The following SPART variants were observed in gnomAD, a reference collection of about 807,000 sequenced individuals.
SPART encodes spartin.
SPART carries 35 observed loss-of-function variants against 58.7 expected under a neutral mutation model. The observed-to-expected ratio is 0.60, with a 90% confidence interval of 0.46 to 0.79. The LOEUF is 0.79. Among genes scored for constraint, SPART ranks in the 30% least tolerant of loss-of-function variants. SPART has a pLI of 0.00. For missense variants in SPART, 730 were observed against 786.1 expected, an observed-to-expected ratio of 0.93 and a Z score of 0.85; for synonymous variants, 284 against 280.7, an observed-to-expected ratio of 1.01 and a Z score of -0.12.
At chr13:36,341,358 CTTAT>C (rs891681525) in intron 1 of SPART, among the ~76,000 whole-genome samples, 1 of 152,122 alleles carries the variant, frequency 6.6e-6, no homozygotes, top group Admixed American at 6.5e-5. Context: ...ATGATAGTAT[CTTAT>C]TTATCCAAAT....
intron 1 of SPART, among the ~76,000 whole-genome samples, chr13:36,359,041 G>C (rs557371097): frequency 9.2e-5 from 14 of 152,316 alleles, no homozygotes; most frequent in African/African-American, 3.1e-4. Context: ...GCTATGCTTA[G>C]ATGAAGAAGT....
chr13:36,338,497 AAG>A (rs1408059136), intron 1 of SPART, among the ~76,000 whole-genome samples: 2 of 152,216 alleles, frequency 1.3e-5, no homozygotes, highest in African/African-American at 2.4e-5. Context: ...GAAGTAGACA[AAG>A]AGCTGAAAAA....
At chr13:36,315,383 G>A (rs1307821344) in intron 5 of SPART, among the ~76,000 whole-genome samples, 1 of 152,156 alleles carries the variant, frequency 6.6e-6, no homozygotes, top group South Asian at 2.1e-4. Context: ...ACTTAACAAT[G>A]AGCTTTCAAA....
intron 1 of SPART, among the ~76,000 whole-genome samples, chr13:36,343,157 AT>A (rs1884741066): frequency 1.3e-5 from 2 of 152,196 alleles, no homozygotes; most frequent in South Asian, 2.1e-4. Flanking sequence ...CTAATCAACT[AT>A]TTATAATAAC....
At chr13:36,330,065 T>C (rs1428966119) in intron 3 of SPART, among the ~76,000 whole-genome samples, 1 of 152,160 alleles carries the variant, frequency 6.6e-6, no homozygotes, top group African/African-American at 2.4e-5. Flanking sequence ...AACATACAAA[T>C]ACCAAAAAAT....
chr13:36,314,454 T>C (rs1487936805), intron 5 of SPART, 33 bp from the exon 6 acceptor site: 2 of 1,585,806 alleles, frequency 1.3e-6, no homozygotes, highest in South Asian at 2.2e-5. Flanking sequence ...TTGCACAATA[T>C]TAGGGCTAAT....
chr13:36,357,387 A>G (rs749973389), intron 1 of SPART, among the ~76,000 whole-genome samples: 3 of 152,190 alleles, frequency 2.0e-5, no homozygotes, highest in Non-Finnish European at 4.4e-5. Flanking sequence ...GTTGTTGGAA[A>G]CAGTCATTTT....
At chr13:36,326,969 C>T (rs1882996407) in intron 4 of SPART, among the ~76,000 whole-genome samples, 1 of 152,030 alleles carries the variant, frequency 6.6e-6, no homozygotes, top group Admixed American at 6.6e-5. Context: ...TTTAAATTGA[C>T]TTTTTTCTTT....
rs771048650 is a variant in SPART, at chr13:36,312,331, T to C, written c.1630A>G (p.Ser544Gly). The C allele has an allele frequency of 1.2e-5, 20 of 1,614,004 alleles. No homozygotes were observed. The highest frequency in any genetic ancestry group is 6.6e-5 in the South Asian group (6 of 91,078). The change falls in exon 7 of 9, where the codon AGT becomes GGT. Residue 544 changes from serine (S) to glycine (G), a missense_variant. Ser to Gly is a moderately conservative substitution (Grantham distance 56). Transcript: ENST00000438666. ...PLDGAMVVAA[S>G]SVQGFSTVWQ... ...GGCCCTTTGTTACCTTGAACACTAC[T>C]TGCTGCTACAACCATAGCACCATCC... is the stretch of plus-strand genomic sequence containing the variant.
intron 1 of SPART, among the ~76,000 whole-genome samples, chr13:36,352,027 T>A (rs1566146411): frequency 2.6e-5 from 4 of 152,216 alleles, no homozygotes; most frequent in Admixed American, 2.0e-4. Context: ...TCCAAGCTCA[T>A]GTTGAAATCA....
chr13:36,340,726 T>A (rs1476751139), intron 1 of SPART, among the ~76,000 whole-genome samples: 1 of 152,040 alleles, frequency 6.6e-6, no homozygotes, highest in Non-Finnish European at 1.5e-5. Flanking sequence ...CAGAAAAGAA[T>A]TTTTTAAGAA....
intron 8 of SPART, among the ~76,000 whole-genome samples, chr13:36,307,853 T>C (rs982638548): frequency 6.6e-6 from 1 of 152,124 alleles, no homozygotes; most frequent in Non-Finnish European, 1.5e-5. Flanking sequence ...TTTAAGAGTA[T>C]AGTTATTTAA....
intron 1 of SPART, among the ~76,000 whole-genome samples, chr13:36,339,627 C>CAAAA (rs71084420): frequency 0.037 from 1,446 of 38,824 alleles, 102 homozygotes; most frequent in East Asian, 0.058. Context: ...ACGACTCCAT[C>CAAAA]AAAAAAAAAA....
intron 1 of SPART, among the ~76,000 whole-genome samples, chr13:36,340,584 C>G (rs1023051790): frequency 2.6e-5 from 4 of 152,026 alleles, no homozygotes; most frequent in Admixed American, 6.6e-5. Context: ...CTTCTAAACC[C>G]AGCCAAGTGA....
intron 6 of SPART, among the ~76,000 whole-genome samples, chr13:36,313,136 A>G (rs1054222918): frequency 6.6e-6 from 1 of 152,176 alleles, no homozygotes; most frequent in African/African-American, 2.4e-5. Flanking sequence ...TTGCTTGGGA[A>G]GGTTGGCACC....
At chr13:36,357,568 A>C (rs1199949780) in intron 1 of SPART, among the ~76,000 whole-genome samples, 1 of 152,218 alleles carries the variant, frequency 6.6e-6, no homozygotes, top group Non-Finnish European at 1.5e-5. Context: ...CTTTTTATAA[A>C]AGGAACCTAT....
rs1316332328 is a variant in SPART, at chr13:36,340,436, C to T, written c.-2-4604G>A. On this transcript the variant is annotated intron_variant, in intron 1 of 8. Transcript: ENST00000438666. Reference sequence around the variant, plus strand: ...AGAAACATACCATGACATTTTAGAACACTAAGCTCAAAAGGATCATCTTTA... The same window carrying T: ...AGAAACATACCATGACATTTTAGAATACTAAGCTCAAAAGGATCATCTTTA... 3.3e-5 allele frequency among the ~76,000 whole-genome samples: 5 copies of T among 151,050 alleles called. No individual in the cohort carries two copies. In the East Asian group the frequency reaches 9.7e-4, roughly 29 times the overall value.
intron 1 of SPART, chr13:36,369,944 G>T (rs1435035865): frequency 1.3e-5 from 2 of 152,154 alleles, no homozygotes; most frequent in Non-Finnish European, 2.9e-5. Context: ...TTGTGGCCTG[G>T]TCAGGGATGG....
intron 2 of SPART, among the ~76,000 whole-genome samples, chr13:36,332,111 C>CT (rs1883517069): frequency 2.0e-5 from 3 of 152,130 alleles, no homozygotes; most frequent in South Asian, 4.2e-4. Flanking sequence ...ATTAAGTCGC[C>CT]CAGAACCAAC....
Sources: gnomAD v4.1 joint callset for allele counts (sites outside exome capture counted in the v4.1 genomes callset) on GRCh38, gnomAD v4.1.1 for gene constraint, MANE v1.5 for transcripts, NCBI Gene and HGNC (gene_info 2026-07-23, HGNC 2026-07-21) for gene names.